Variants in MACROD2 observed in about 807,000 individuals in gnomAD.
MACROD2 encodes the protein ADP-ribose glycohydrolase MACROD2.
A neutral mutation model predicts 70.4 loss-of-function variants in MACROD2; 36 were observed. That is an observed-to-expected ratio of 0.51 (90% CI 0.39 to 0.68). The LOEUF (loss-of-function observed/expected upper bound fraction) is 0.68. Among genes scored for constraint, MACROD2 ranks in the 30% least tolerant of loss-of-function variants. MACROD2 has a pLI of 0.00. For synonymous variants in MACROD2, 172 were observed against 178.8 expected (o/e 0.96, Z 0.30); for missense variants, 496 against 538.4 (o/e 0.92, Z 0.78).
At chr20:15,432,629 C>A (rs2046377095) in intron 7 of MACROD2, among the ~76,000 whole-genome samples, 1 of 152,130 alleles carries the variant, frequency 6.6e-6, no homozygotes, top group Non-Finnish European at 1.5e-5. Flanking sequence ...CTTTATTTCG[C>A]CTTATGTAGA....
At chr20:14,400,173 C>G (rs530306261) in intron 3 of MACROD2, among the ~76,000 whole-genome samples, 12 of 152,220 alleles carry the variant, frequency 7.9e-5, no homozygotes, top group African/African-American at 2.6e-4. Flanking sequence ...GAATCCCTAT[C>G]AATATCTTAA....
chr20:14,640,691 T>G (rs1421288051), intron 4 of MACROD2, among the ~76,000 whole-genome samples: 1 of 152,232 alleles, frequency 6.6e-6, no homozygotes, highest in East Asian at 1.9e-4. Context: ...ATTTTTTTGG[T>G]TTCCCAGCGC....
intron 3 of MACROD2, among the ~76,000 whole-genome samples, chr20:14,301,543 A>ATTTT (rs1447555458): frequency 2.0e-5 from 3 of 152,178 alleles, no homozygotes; most frequent in Admixed American, 2.0e-4. Context: ...GTATGAAAAA[A>ATTTT]TGTTCTTTTG....
At chr20:15,529,242 T>C (rs1257345258) in intron 8 of MACROD2, among the ~76,000 whole-genome samples, 2 of 152,106 alleles carry the variant, frequency 1.3e-5, no homozygotes, top group Non-Finnish European at 2.9e-5. Context: ...GTTTAGCATT[T>C]TTCTTCTAAA....
At chr20:14,917,807 A>G (rs2074111231) in intron 5 of MACROD2, among the ~76,000 whole-genome samples, 1 of 152,112 alleles carries the variant, frequency 6.6e-6, no homozygotes, top group Non-Finnish European at 1.5e-5. Context: ...TTAGTTGGTG[A>G]TTTAATGAAG....
At position 14,497,389 on chromosome 20, in the gene MACROD2, T is replaced by A. The variant is rs78989265; in HGVS notation, c.301+3881T>A. ...GTGATGCTGGTACTTTTGGAATATA[T>A]AGTAAAATATAAATCATTGTAGCCA... On this transcript the variant is annotated intron_variant, in intron 4 of 17. Transcript: ENST00000684519. 6.7e-3 allele frequency among the ~76,000 whole-genome samples: 1,011 copies of A among 151,872 alleles called. 52 individuals are homozygous for A. Among genetic ancestry groups the A allele is most frequent in the African/African-American group, 0.023 (950 of 41,134 alleles).
chr20:15,975,170 TA>T (rs1389911447), intron 13 of MACROD2, among the ~76,000 whole-genome samples: 2 of 152,118 alleles, frequency 1.3e-5, no homozygotes, highest in Admixed American at 6.6e-5. Flanking sequence ...CTTTATTATA[TA>T]AATAAATGCA....
chr20:14,727,695 T>A lies in MACROD2; in HGVS notation c.418+42736T>A, dbSNP rs544922517. Among the ~76,000 whole-genome samples the A allele has an allele frequency of 2.6e-5, 4 of 152,332 alleles. No individual in the cohort carries two copies. The South Asian group carries it at 8.3e-4, about 32-fold the overall frequency. On this transcript the variant is annotated intron_variant, in intron 5 of 17. Coordinates refer to ENST00000684519, the MANE Select transcript of MACROD2 (RefSeq NM_001351661.2). ...TCAAAGGAATTTCAAATATGTTACG[T>A]CATTTGATCTCAGTAAGATTTTTGA...
At chr20:14,252,312 T>C (rs776848949) in intron 3 of MACROD2, among the ~76,000 whole-genome samples, 2 of 151,950 alleles carry the variant, frequency 1.3e-5, no homozygotes, top group Non-Finnish European at 2.9e-5. Flanking sequence ...TGTTCCCCCC[T>C]AATAATTATC....
chr20:14,581,289 G>A (rs538227247), intron 4 of MACROD2, among the ~76,000 whole-genome samples: 1 of 152,312 alleles, frequency 6.6e-6, no homozygotes, highest in African/African-American at 2.4e-5. Flanking sequence ...AAATTCTCAT[G>A]TTCTAGCCAC....
At chr20:15,031,301 C>T (rs1395665478) in intron 5 of MACROD2, among the ~76,000 whole-genome samples, 1 of 152,194 alleles carries the variant, frequency 6.6e-6, no homozygotes, top group Non-Finnish European at 1.5e-5. Context: ...AGGGCTGCAG[C>T]TCTTCTCTCC....
chr20:14,782,022 C>G (rs772151298), intron 5 of MACROD2, among the ~76,000 whole-genome samples: 23 of 151,984 alleles, frequency 1.5e-4, no homozygotes, highest in Admixed American at 9.2e-4. Flanking sequence ...CTCCCGGGTT[C>G]AAGTGATCCT....
chr20:15,879,240 G>A (rs1025128213), intron 9 of MACROD2, among the ~76,000 whole-genome samples: 4 of 152,010 alleles, frequency 2.6e-5, no homozygotes, highest in South Asian at 2.1e-4. Context: ...GTTTAAAAGG[G>A]CTGCAACTCT....
chr20:15,247,012 C>T (rs1047584586), intron 6 of MACROD2, among the ~76,000 whole-genome samples: 5 of 152,036 alleles, frequency 3.3e-5, no homozygotes, highest in Non-Finnish European at 5.9e-5. Flanking sequence ...AGTAGATTAA[C>T]GGTTGTCAGA....
At chr20:15,142,246 C>T (rs2076197186) in intron 5 of MACROD2, among the ~76,000 whole-genome samples, 1 of 152,102 alleles carries the variant, frequency 6.6e-6, no homozygotes, top group African/African-American at 2.4e-5. Context: ...AAAATTAATT[C>T]CAAGCTAAAA....
chr20:15,582,121 C>CAA (rs11417111), intron 8 of MACROD2, among the ~76,000 whole-genome samples: 1,866 of 140,836 alleles, frequency 0.013, 20 homozygotes, highest in Non-Finnish European at 0.02. Context: ...GACTCGGTCT[C>CAA]AAAAAAAAAA....
intron 4 of MACROD2, among the ~76,000 whole-genome samples, chr20:14,514,961 A>G (rs1427619475): frequency 1.3e-5 from 2 of 152,134 alleles, no homozygotes; most frequent in Non-Finnish European, 2.9e-5. Flanking sequence ...ATGAGGAAGC[A>G]ATAATTGAAC....
chr20:14,455,325 G>T (rs1021111238), intron 3 of MACROD2, among the ~76,000 whole-genome samples: 1 of 151,848 alleles, frequency 6.6e-6, no homozygotes, highest in Non-Finnish European at 1.5e-5. Context: ...TTAAGAGCAT[G>T]GTTCAATTCT....
At chr20:14,879,525 A>G (rs971991574) in intron 5 of MACROD2, among the ~76,000 whole-genome samples, 2 of 152,208 alleles carry the variant, frequency 1.3e-5, no homozygotes, top group African/African-American at 4.8e-5. Context: ...AGGAAAATGG[A>G]GAGGCTATAG....
Sources: gnomAD v4.1 joint callset for allele counts (sites outside exome capture counted in the v4.1 genomes callset) on GRCh38, gnomAD v4.1.1 for gene constraint, MANE v1.5 for transcripts, NCBI Gene and HGNC (gene_info 2026-07-23, HGNC 2026-07-21) for gene names.